EYA4: variants seen among roughly 807,000 people sequenced by gnomAD.
The protein encoded by EYA4 is protein phosphatase EYA4.
EYA4 carries 31 observed loss-of-function variants against 87.9 expected under a neutral mutation model. That is an observed-to-expected ratio of 0.35 (90% CI 0.27 to 0.48). The LOEUF (loss-of-function observed/expected upper bound fraction) is 0.48, where lower values mean the gene tolerates loss of function less well. Ranked by LOEUF, EYA4 falls within the 20% of genes least tolerant of loss-of-function variation. The probability of loss-of-function intolerance (pLI) is 0.99; values close to 1 mark genes in which losing one functional copy is unlikely to be tolerated. For synonymous variants in EYA4, 263 were observed against 270.6 expected (o/e 0.97, Z 0.28); for missense variants, 678 against 761.4 (o/e 0.89, Z 1.29).
chr6:133,466,633 A>G lies in EYA4; in HGVS notation c.804+1775A>G, dbSNP rs562886087. Reference sequence around the variant, plus strand: ...TAATTTTGAATAGGGGAGGTTTTATATAAGGCTTCTCTATGGAAACCACAT... The same window carrying G: ...TAATTTTGAATAGGGGAGGTTTTATGTAAGGCTTCTCTATGGAAACCACAT... On this transcript the variant is annotated intron_variant, in intron 10 of 19. Coordinates refer to ENST00000355286, the MANE Select transcript of EYA4 (RefSeq NM_004100.5). Among the ~76,000 whole-genome samples, 4 of 152,252 alleles carry G rather than the reference A, an allele frequency of 2.6e-5. No individual in the cohort carries two copies. The South Asian group carries it at 6.2e-4, about 24-fold the overall frequency.
chr6:133,246,342 C>T (rs920016383), intron 1 of EYA4, among the ~76,000 whole-genome samples: 1 of 151,974 alleles, frequency 6.6e-6, no homozygotes, highest in Non-Finnish European at 1.5e-5. Context: ...ACAGTATGTT[C>T]ATATTTTTAA....
chr6:133,296,985 T>TTA lies in EYA4; in HGVS notation c.33+22177_33+22178dup, dbSNP rs1337442446. 7.2e-5 allele frequency among the ~76,000 whole-genome samples: 11 copies of TTA among 152,332 alleles called. No individual in the cohort carries two copies. The East Asian group carries it at 1.5e-3, about 21-fold the overall frequency. Reference sequence around the variant, plus strand: ...AGTTTATCTTACAATTCTATTGTTGTTATATACATAATTGAAATTATGATA... The same window carrying TTA: ...AGTTTATCTTACAATTCTATTGTTGTTATATATACATAATTGAAATTATGATA... On this transcript the variant is annotated intron_variant, in intron 2 of 19. Transcript: ENST00000355286.
intron 1 of EYA4, among the ~76,000 whole-genome samples, chr6:133,258,905 C>T (rs1280091956): frequency 1.3e-5 from 2 of 152,032 alleles, no homozygotes; most frequent in African/African-American, 4.8e-5. Flanking sequence ...CAAACAGAAC[C>T]CTAGGGTCTT....
intron 1 of EYA4, among the ~76,000 whole-genome samples, chr6:133,245,642 G>A (rs1774346170): frequency 6.6e-6 from 1 of 152,166 alleles, no homozygotes; most frequent in Non-Finnish European, 1.5e-5. Flanking sequence ...CCTGGAGATG[G>A]GTGAGATGCA....
At chr6:133,354,931 C>T (rs1297448051) in intron 2 of EYA4, among the ~76,000 whole-genome samples, 1 of 152,124 alleles carries the variant, frequency 6.6e-6, no homozygotes, top group African/African-American at 2.4e-5. Context: ...AAAACAGAGT[C>T]TTTCTATACA....
chr6:133,517,012 T>C (rs1799655601), intron 17 of EYA4, among the ~76,000 whole-genome samples: 1 of 152,218 alleles, frequency 6.6e-6, no homozygotes, highest in African/African-American at 2.4e-5. Context: ...AAATGATTTA[T>C]ATGCCTTTGG....
intron 16 of EYA4, among the ~76,000 whole-genome samples, chr6:133,513,257 T>C (rs1253127588): frequency 1.3e-5 from 2 of 152,212 alleles, no homozygotes; most frequent in Non-Finnish European, 2.9e-5. Context: ...TTGTGTAACC[T>C]TGTGCCCAGA....
chr6:133,506,064 T>C, intron 13 of EYA4, 42 bp from the exon 14 acceptor site: 1 of 1,124,774 alleles, frequency 8.9e-7, no homozygotes, highest in Non-Finnish European at 1.4e-6. Context: ...TAATAAGCGC[T>C]TACTGAAATT....
intron 2 of EYA4, among the ~76,000 whole-genome samples, chr6:133,294,047 ATATATATATATAT>A (rs1778731954): frequency 6.7e-5 from 6 of 89,776 alleles, no homozygotes; most frequent in South Asian, 3.4e-4. Flanking sequence ...ATATATATAT[ATATATATATATAT>A]ATAATTCTAT....
chr6:133,303,461 CA>C (rs1204997694), intron 2 of EYA4, among the ~76,000 whole-genome samples: 9 of 152,124 alleles, frequency 5.9e-5, no homozygotes, highest in Non-Finnish European at 1.3e-4. Flanking sequence ...GTTTTGCAGC[CA>C]GTGGTATGAA....
In EYA4 at chr6:133,529,531, CAA is replaced by C. The variant is rs749389761; in HGVS notation, c.*736_*737del. On this transcript the variant is annotated 3_prime_UTR_variant, in exon 20 of 20. Transcript: ENST00000355286. Reference sequence around the variant, plus strand: ...AATCTCTGTAGATAATGAAAAAAAACAAAAAAAAAAACCTTTGTGATGATTCT... The same window carrying C: ...AATCTCTGTAGATAATGAAAAAAAACAAAAAAAAACCTTTGTGATGATTCT... 3 of 790,850 alleles carry C rather than the reference CAA, an allele frequency of 3.8e-6. No individual in the cohort carries two copies. Among genetic ancestry groups the C allele is most frequent in the African/African-American group, 3.9e-5 (2 of 50,776 alleles). The allele number at this position is 790,850 out of a possible 1,614,324, so 49.0% of individuals were successfully genotyped here.
intron 2 of EYA4, among the ~76,000 whole-genome samples, chr6:133,323,073 C>CGTGTGTGT (rs141727232): frequency 0.051 from 7,592 of 149,206 alleles, 276 homozygotes; most frequent in African/African-American, 0.1. Context: ...GTATAAAATC[C>CGTGTGTGT]GTGTGTGTGT....
chr6:133,334,891 A>C (rs1782247468), intron 2 of EYA4, among the ~76,000 whole-genome samples: 1 of 152,224 alleles, frequency 6.6e-6, no homozygotes, highest in Admixed American at 6.5e-5. Context: ...AAATTTAAAA[A>C]TCAAGCCAGC....
At chr6:133,463,012 A>G (rs537766406) in intron 9 of EYA4, among the ~76,000 whole-genome samples, 15 of 152,280 alleles carry the variant, frequency 9.9e-5, no homozygotes, top group Non-Finnish European at 2.1e-4. Context: ...ACCAAGTCCA[A>G]GCAAAGCAAC....
intron 2 of EYA4, among the ~76,000 whole-genome samples, chr6:133,324,838 A>T (rs906389255): frequency 6.6e-6 from 1 of 151,742 alleles, no homozygotes; most frequent in South Asian, 2.1e-4. Flanking sequence ...AGATTAATAA[A>T]TCCAGTCTTT....
chr6:133,369,385 CTTTAT>C (rs1465761027), intron 2 of EYA4, among the ~76,000 whole-genome samples: 4 of 152,086 alleles, frequency 2.6e-5, no homozygotes, highest in South Asian at 2.1e-4. Flanking sequence ...ACATAAAAGA[CTTTAT>C]TTTATAAAAT....
intron 2 of EYA4, among the ~76,000 whole-genome samples, chr6:133,332,319 GTTC>G (rs1460383516): frequency 6.6e-6 from 1 of 152,142 alleles, no homozygotes; most frequent in Non-Finnish European, 1.5e-5. Context: ...CTTAATTAAA[GTTC>G]TTCTTTGGAT....
At chr6:133,400,008 C>T (rs895482077) in intron 3 of EYA4, among the ~76,000 whole-genome samples, 1 of 152,152 alleles carries the variant, frequency 6.6e-6, no homozygotes, top group Non-Finnish European at 1.5e-5. Context: ...GGGTTCCTTG[C>T]ATTATTCTCT....
chr6:133,270,277 A>G (rs1209479553), intron 1 of EYA4, among the ~76,000 whole-genome samples: 6 of 152,178 alleles, frequency 3.9e-5, no homozygotes, highest in African/African-American at 1.4e-4. Flanking sequence ...TCTTCAAATA[A>G]AGACAATAAT....
Sources: allele counts gnomAD v4.1 joint callset (sites outside exome capture counted in the v4.1 genomes callset), GRCh38; gene constraint gnomAD v4.1.1; transcripts MANE v1.5; gene names NCBI Gene and HGNC (gene_info 2026-07-23, HGNC 2026-07-21).